The following POLR1C variants were observed in gnomAD, a reference collection of about 807,000 sequenced individuals.
POLR1C encodes DNA-directed RNA polymerases I and III subunit RPAC1.
In POLR1C, 42 loss-of-function variants were observed where a neutral mutation model predicts 38.3. The observed-to-expected ratio is 1.10, with a 90% CI of 0.86 to 1.42. The LOEUF (loss-of-function observed/expected upper bound fraction) is 1.42, where lower values mean the gene tolerates loss of function less well. Ranked by LOEUF, POLR1C falls within the 40% of genes most tolerant of loss-of-function variation. POLR1C has a pLI of 0.00. For synonymous variants in POLR1C, 163 were observed against 163.9 expected (o/e 0.99, Z 0.04); for missense variants, 507 against 450.5 (o/e 1.13, Z -1.14).
In POLR1C at chr6:43,520,194, T is replaced by C; in HGVS notation, c.502+9T>C. ...GTACGTGAACCACAAAGGTGAGTAGTGGTAGGGTGAGGAAGAGGCCCCACC... is the reference window on the plus strand; with the variant it reads ...GTACGTGAACCACAAAGGTGAGTAGCGGTAGGGTGAGGAAGAGGCCCCACC... On this transcript the variant is annotated intron_variant, in intron 5 of 8. Transcript: ENST00000642195. 1 of 1,614,138 alleles carries C rather than the reference T, an allele frequency of 6.2e-7. No individual in the cohort carries two copies. Among genetic ancestry groups the C allele is most frequent in the Non-Finnish European group, 8.5e-7 (1 of 1,180,018 alleles).
chr6:43,528,957 T>C (rs770192857), intron 8 of POLR1C: 56 of 1,589,274 alleles, frequency 3.5e-5, no homozygotes, highest in Admixed American at 1.2e-4. Flanking sequence ...TTTTAGTGCA[T>C]AGGCACACAT....
At chr6:43,541,966 G>A (rs1202472478) in intron 9 of POLR1C, among the ~76,000 whole-genome samples, 1 of 152,074 alleles carries the variant, frequency 6.6e-6, no homozygotes, top group Non-Finnish European at 1.5e-5. Context: ...TTTTAGTAGA[G>A]ATGGGGTTTC....
chr6:43,531,603 G>C, downstream of POLR1C: 2 of 1,583,174 alleles, frequency 1.3e-6, no homozygotes, highest in Non-Finnish European at 1.7e-6. Flanking sequence ...TCAAGAACAT[G>C]ATGCTCCACT....
downstream of POLR1C, chr6:43,531,454 T>C (rs1260050946): frequency 3.1e-6 from 5 of 1,592,430 alleles, no homozygotes; most frequent in African/African-American, 4.0e-5. Context: ...GAAGAAAATA[T>C]GGAGAGGCAG....
chr6:43,557,127 C>CAA (rs58974895), intron 10 of POLR1C, among the ~76,000 whole-genome samples: 2,744 of 61,018 alleles, frequency 0.045, 174 homozygotes, highest in African/African-American at 0.14. Context: ...GACTCCATCT[C>CAA]AAAAAAAAAA....
In POLR1C at chr6:43,546,792, A is replaced by G. The variant is rs759740777; in HGVS notation, c.*5-4176A>G. ...GAATGACAGATAAATATTAAAAGGA[A>G]AAAAAAAAAAAGACCAAATACTGTT... On this transcript the variant is annotated intron_variant, in intron 9 of 10. Transcript: ENST00000607635. The G allele has an allele frequency of 2.3e-5, 29 of 1,266,414 alleles. No homozygotes were observed. In the African/African-American group the frequency reaches 3.1e-4, roughly 14 times the overall value. The allele number at this position is 1,266,414 out of a possible 1,614,324, so 78.4% of individuals were successfully genotyped here.
chr6:43,522,111 C>A (rs1403619175), downstream of POLR1C, among the ~76,000 whole-genome samples: 1 of 152,038 alleles, frequency 6.6e-6, no homozygotes, highest in African/African-American at 2.4e-5. Context: ...GTGGGCCAGG[C>A]CCAGCAGCCA....
At position 43,519,817 on chromosome 6, in the gene POLR1C, C is replaced by G; in HGVS notation, c.361C>G (p.Leu121Val). 6.2e-7 allele frequency: 1 copy of G among 1,614,124 alleles called. No homozygotes were observed. The highest frequency in any genetic ancestry group is 1.1e-5 in the South Asian group (1 of 91,068). Reference sequence around the variant, plus strand: ...CATTCCCATTCATGCTGATCCCCGTCTTTTTGAGTATCGGAACCAAGGTGA... The same window carrying G: ...CATTCCCATTCATGCTGATCCCCGTGTTTTTGAGTATCGGAACCAAGGTGA... Reference protein sequence around the residue: ...GLIPIHADPRLFEYRNQGDEE... With the variant: ...GLIPIHADPRVFEYRNQGDEE... Residue 121 changes from leucine to valine, a missense_variant, in exon 4 of 9, where the codon CTT becomes GTT. Coordinates refer to ENST00000642195, the MANE Select transcript of POLR1C (RefSeq NM_203290.4).
downstream of POLR1C, among the ~76,000 whole-genome samples, chr6:43,529,890 T>G: frequency 7.7e-6 from 1 of 129,744 alleles, no homozygotes. Context: ...CCTGCCTGGG[T>G]AACACTGAGA....
chr6:43,525,213 T>C, downstream of POLR1C: 1 of 1,571,682 alleles, frequency 6.4e-7, no homozygotes, highest in Non-Finnish European at 8.6e-7. Context: ...TGTACAAACA[T>C]CCTGAACAGG....
rs779331072 is a variant in POLR1C at position 43,519,320 on chromosome 6, C to T, written c.142-13C>T. On this transcript the variant is annotated splice_polypyrimidine_tract_variant and intron_variant, in intron 2 of 8. Transcript: ENST00000642195. ...AGCAGATTTCACTTAAATGTTTTTT[C>T]CTGTCCCTCTAGAATTTCCGTGTGG... 2.0e-6 allele frequency: 3 copies of T among 1,521,000 alleles called. No homozygotes were observed. The highest frequency in any genetic ancestry group is 9.1e-7 in the Non-Finnish European group (1 of 1,095,372). The allele number at this position is 1,521,000 out of a possible 1,614,324, so 94.2% of individuals were successfully genotyped here.
At chr6:43,560,093 A>G in intron 10 of POLR1C, 1 of 1,483,094 alleles carries the variant, frequency 6.7e-7, no homozygotes, top group Non-Finnish European at 9.1e-7. Context: ...AGCTGGGATT[A>G]TAGGCGTGAG....
intron 9 of POLR1C, among the ~76,000 whole-genome samples, chr6:43,536,904 C>T (rs111403424): frequency 0.033 from 4,936 of 151,134 alleles, 254 homozygotes; most frequent in African/African-American, 0.11. Flanking sequence ...GGTGTCTGTC[C>T]TCGACAACTC....
At chr6:43,520,518 A>C in intron 6 of POLR1C, 91 bp downstream of exon 6, 1 of 1,602,236 alleles carries the variant, frequency 6.2e-7, no homozygotes. Context: ...CATTCCCGGC[A>C]GGTAGAAAGC....
chr6:43,536,537 T>C (rs1794334963), intron 9 of POLR1C, among the ~76,000 whole-genome samples: 1 of 151,408 alleles, frequency 6.6e-6, no homozygotes, highest in African/African-American at 2.4e-5. Context: ...GGTGGGTGGA[T>C]CACGAGGTCA....
At chr6:43,558,487 C>T in intron 10 of POLR1C, 1 of 1,581,152 alleles carries the variant, frequency 6.3e-7, no homozygotes, top group East Asian at 2.3e-5. Flanking sequence ...AAATCCAAGG[C>T]CAACATCACT....
At chr6:43,524,594 G>A, downstream of POLR1C, 2 of 1,613,952 alleles carry the variant, frequency 1.2e-6, no homozygotes, top group Non-Finnish European at 1.7e-6. Flanking sequence ...GTATTTCAGG[G>A]ATTTGCTCCA....
At chr6:43,557,340 C>T (rs1211570449) in intron 10 of POLR1C, among the ~76,000 whole-genome samples, 5 of 151,074 alleles carry the variant, frequency 3.3e-5, no homozygotes, top group South Asian at 2.1e-4. Context: ...GCAGGAGAAT[C>T]GCTTGAATCC....
chr6:43,526,195 T>G (rs1793577193), downstream of POLR1C: 2 of 462,174 alleles, frequency 4.3e-6, no homozygotes, highest in African/African-American at 3.9e-5. Flanking sequence ...TGGACAAATA[T>G]TTGAGCACCA....
Sources: allele counts gnomAD v4.1 joint callset (sites outside exome capture counted in the v4.1 genomes callset), GRCh38; gene constraint gnomAD v4.1.1; transcripts MANE v1.5; gene names NCBI Gene and HGNC (gene_info 2026-07-23, HGNC 2026-07-21).